DYM: variants seen among roughly 807,000 people sequenced by gnomAD.
DYM encodes dymeclin, also known as dyggve-Melchior-Clausen syndrome protein.
DYM carries 78 observed loss-of-function variants against 93.1 expected under a neutral mutation model. That is an observed-to-expected ratio of 0.84 (90% CI 0.70 to 1.01). The LOEUF is 1.01. Among genes scored for constraint, DYM ranks in the 50% least tolerant of loss-of-function variants. The probability of loss-of-function intolerance (pLI) is 0.00; values close to 1 mark genes in which losing one functional copy is unlikely to be tolerated. For missense variants in DYM, 789 were observed against 845.0 expected (o/e 0.93, Z 0.82); for synonymous variants, 321 against 319.7 (o/e 1.00, Z -0.04).
intron 3 of DYM, among the ~76,000 whole-genome samples, chr18:49,389,013 A>T (rs999433498): frequency 2.0e-5 from 3 of 152,066 alleles, no homozygotes; most frequent in African/African-American, 7.2e-5. Flanking sequence ...ACACTCACAT[A>T]GCCCTTAAAG....
At chr18:49,059,370 A>T (rs2075763324) in intron 17 of DYM, among the ~76,000 whole-genome samples, 1 of 152,226 alleles carries the variant, frequency 6.6e-6, no homozygotes, top group African/African-American at 2.4e-5. Context: ...TAGCAGCCCC[A>T]GCGAACTAAG....
At chr18:49,452,180 C>T (rs28862462) in intron 1 of DYM, among the ~76,000 whole-genome samples, 31,188 of 152,066 alleles carry the variant, frequency 0.21, 3,263 homozygotes, top group Middle Eastern at 0.28. Context: ...CGGATGTGTT[C>T]GGAGTTTCTT....
intron 17 of DYM, among the ~76,000 whole-genome samples, chr18:49,050,484 C>T (rs1275395173): frequency 1.3e-5 from 2 of 152,178 alleles, no homozygotes; most frequent in African/African-American, 4.8e-5. Flanking sequence ...GGGGTAACTT[C>T]TGCAATGTAT....
intron 8 of DYM, among the ~76,000 whole-genome samples, chr18:49,304,099 T>G (rs1266613073): frequency 6.6e-6 from 1 of 152,228 alleles, no homozygotes; most frequent in African/African-American, 2.4e-5. Flanking sequence ...CTTTTTCAAT[T>G]ATAAGTTTCT....
At chr18:49,182,856 C>T (rs1336149814) in intron 14 of DYM, among the ~76,000 whole-genome samples, 1 of 152,156 alleles carries the variant, frequency 6.6e-6, no homozygotes, top group Non-Finnish European at 1.5e-5. Context: ...CCAGTGTCTC[C>T]AAAGTCCCTG....
chr18:49,229,072 C>T (rs559812540), intron 13 of DYM, among the ~76,000 whole-genome samples: 128 of 736 alleles, frequency 0.17, no homozygotes, highest in Admixed American at 0.31. Flanking sequence ...AAGTTAAACA[C>T]GAAAACAAGA....
intron 6 of DYM, among the ~76,000 whole-genome samples, chr18:49,343,649 A>G (rs539917208): frequency 7.5e-4 from 114 of 152,354 alleles, no homozygotes; most frequent in Non-Finnish European, 1.5e-3. Context: ...GAATACTCAC[A>G]TATTTTTGAA....
chr18:49,453,314 C>T (rs920252395), intron 1 of DYM, among the ~76,000 whole-genome samples: 5 of 152,098 alleles, frequency 3.3e-5, no homozygotes, highest in African/African-American at 1.2e-4. Flanking sequence ...AGCAGGCTGC[C>T]CCAACCAGCA....
chr18:49,155,398 A>C (rs2086288917), intron 15 of DYM, among the ~76,000 whole-genome samples: 1 of 152,202 alleles, frequency 6.6e-6, no homozygotes, highest in African/African-American at 2.4e-5. Context: ...GATACAATTC[A>C]TATACCATAT....
At chr18:49,207,100 T>C (rs538659133) in intron 14 of DYM, among the ~76,000 whole-genome samples, 1 of 152,296 alleles carries the variant, frequency 6.6e-6, no homozygotes, top group East Asian at 1.9e-4. Context: ...TTTCTTTTAT[T>C]TTCCCAGCTG....
intron 11 of DYM, 92 bp downstream of exon 11, chr18:49,272,086 C>T: frequency 9.0e-7 from 1 of 1,107,168 alleles, no homozygotes; most frequent in African/African-American, 1.6e-5. Context: ...ACAGGAACAT[C>T]TACCAGAAAG....
intron 6 of DYM, among the ~76,000 whole-genome samples, chr18:49,345,096 G>T (rs9949899): frequency 0.025 from 3,860 of 152,200 alleles, 155 homozygotes; most frequent in African/African-American, 0.087. Flanking sequence ...AAATAATCCA[G>T]ATCAGGTAGG....
At chr18:49,133,999 A>G (rs2083607149) in intron 15 of DYM, among the ~76,000 whole-genome samples, 1 of 152,224 alleles carries the variant, frequency 6.6e-6, no homozygotes. Context: ...AATACCATGA[A>G]GCTATTAAAA....
chr18:49,429,016 T>C (rs1439779392), intron 2 of DYM, among the ~76,000 whole-genome samples: 1 of 152,232 alleles, frequency 6.6e-6, no homozygotes, highest in Admixed American at 6.5e-5. Flanking sequence ...AGGATGTCAA[T>C]AAGGCTGCAT....
At chr18:49,179,971 G>A (rs1267306016) in intron 14 of DYM, among the ~76,000 whole-genome samples, 2 of 152,056 alleles carry the variant, frequency 1.3e-5, no homozygotes, top group Admixed American at 6.6e-5. Context: ...TTTGGTAGAG[G>A]AAATTACATG....
intron 13 of DYM, among the ~76,000 whole-genome samples, chr18:49,228,963 T>C (rs1439197573): frequency 6.6e-6 from 1 of 152,144 alleles, no homozygotes; most frequent in African/African-American, 2.4e-5. Flanking sequence ...ACTGTTCCCT[T>C]TATCTCTATT....
intron 15 of DYM, among the ~76,000 whole-genome samples, chr18:49,119,806 G>T (rs1202160791): frequency 6.6e-6 from 1 of 152,040 alleles, no homozygotes; most frequent in Non-Finnish European, 1.5e-5. Context: ...GATATATCAA[G>T]GCTGGCTGTG....
intron 17 of DYM, among the ~76,000 whole-genome samples, chr18:49,068,407 TC>T (rs1217230265): frequency 6.6e-6 from 1 of 152,232 alleles, no homozygotes; most frequent in African/African-American, 2.4e-5. Flanking sequence ...AACAGAAGAT[TC>T]ATGACTGGTT....
chr18:49,228,822 C>T (rs1443838911), intron 13 of DYM, among the ~76,000 whole-genome samples: 1 of 152,054 alleles, frequency 6.6e-6, no homozygotes, highest in Non-Finnish European at 1.5e-5. Context: ...GATAGGAAGA[C>T]AAGCTAAAGT....
Sources: allele counts gnomAD v4.1 joint callset (sites outside exome capture counted in the v4.1 genomes callset), GRCh38; gene constraint gnomAD v4.1.1; transcripts MANE v1.5; gene names NCBI Gene and HGNC (gene_info 2026-07-23, HGNC 2026-07-21).